GPATCH2L: variants seen among roughly 807,000 people sequenced by gnomAD.
GPATCH2L encodes G patch domain-containing protein 2-like.
In GPATCH2L, 31 loss-of-function variants were observed where a neutral mutation model predicts 57.4. The observed-to-expected ratio is 0.54, with a 90% CI of 0.41 to 0.73. GPATCH2L has a LOEUF of 0.73. Among genes scored for constraint, GPATCH2L ranks in the 30% least tolerant of loss-of-function variants. GPATCH2L has a pLI of 0.00. For synonymous variants in GPATCH2L, 199 were observed against 210.7 expected (o/e 0.94, Z 0.48); for missense variants, 481 against 599.9 (o/e 0.80, Z 2.07).
In GPATCH2L at chr14:76,202,536, TACAC is replaced by T. The variant is rs34957782; in HGVS notation, c.*709_*712del. ...GTTCTACTGAAAGAGGACGTGTGTA[TACAC>T]ACACACACACACACACACACACAGA... On this transcript the variant is annotated 3_prime_UTR_variant, in exon 10 of 10. Transcript: ENST00000261530. 692 of 134,042 alleles carry T rather than the reference TACAC, an allele frequency of 5.2e-3. No individual in the cohort carries two copies. The highest frequency in any genetic ancestry group is 0.02 in the Middle Eastern group (5 of 252). 8.3% of individuals were successfully genotyped at this position (134,042 alleles called of 1,614,324 possible).
chr14:76,222,954 CA>C (rs36032954), intron 1 of GPATCH2L, among the ~76,000 whole-genome samples: 55,461 of 113,426 alleles, frequency 0.49, 12,720 homozygotes, highest in South Asian at 0.65. Flanking sequence ...AGACTGTGTT[CA>C]AAAAAAAAAA....
At chr14:76,170,578 GT>G (rs1231420422) in intron 3 of GPATCH2L, 1 of 152,034 alleles carries the variant, frequency 6.6e-6, no homozygotes, top group African/African-American at 2.4e-5. Context: ...TGTTGCTGTG[GT>G]TATTTTTTTT....
In GPATCH2L at chr14:76,213,696, A is replaced by T. The variant is rs186634624; in HGVS notation, c.*11845A>T. 46 of 152,102 alleles carry T rather than the reference A, an allele frequency of 3.0e-4. No individual in the cohort carries two copies. Among genetic ancestry groups the T allele is most frequent in the East Asian group, 1.4e-3 (7 of 5,170 alleles). The allele number at this position is 152,102 out of a possible 1,614,324, so 9.4% of individuals were successfully genotyped here. On this transcript the variant is annotated 3_prime_UTR_variant, in exon 10 of 10. Coordinates refer to ENST00000261530, the MANE Select transcript of GPATCH2L (RefSeq NM_017926.4). ...GGGCTCTTGATCCAAAACCTTTTTT[A>T]AAAAAAATAATTTTAGACTTAACAG...
At chr14:76,217,000 T>C (rs755471103), downstream of GPATCH2L, among the ~76,000 whole-genome samples, 5 of 152,160 alleles carry the variant, frequency 3.3e-5, no homozygotes, top group African/African-American at 4.8e-5. Flanking sequence ...TATATAGCTA[T>C]ACAGGAAAAA....
Position 76,221,778 on chromosome 14 carries a change from G to T in GPATCH2L, c.66-8030G>T, listed in dbSNP as rs145797816. ...CATCTATATGAACAGGCAAAATTAT[G>T]GGGACAGTAAAAAGATGAATTGTTG... On this transcript the variant is annotated intron_variant and NMD_transcript_variant, in intron 1 of 3. Coordinates refer to the GPATCH2L transcript ENST00000556372. Among the ~76,000 whole-genome samples, 113 of 152,292 alleles carry T rather than the reference G, an allele frequency of 7.4e-4. 2 individuals carry two copies. The highest frequency in any genetic ancestry group is 2.6e-3 in the African/African-American group (110 of 41,550).
chr14:76,198,513 C>G (rs539314493), intron 9 of GPATCH2L, among the ~76,000 whole-genome samples: 27 of 152,298 alleles, frequency 1.8e-4, no homozygotes, highest in African/African-American at 6.5e-4. Context: ...AAAAAGTAAA[C>G]ACATGCCTTT....
In GPATCH2L at chr14:76,221,974, T is replaced by G. The variant is rs532868152; in HGVS notation, c.66-7834T>G. ...AACATTAGTGTATCAACTATGGACTTTGGATGATAAAGATGTGTAACTGTT... is the reference window on the plus strand; with the variant it reads ...AACATTAGTGTATCAACTATGGACTGTGGATGATAAAGATGTGTAACTGTT... On this transcript the variant is annotated intron_variant and NMD_transcript_variant, in intron 1 of 3. Coordinates refer to the GPATCH2L transcript ENST00000556372. Among the ~76,000 whole-genome samples the G allele has an allele frequency of 2.6e-5, 4 of 152,286 alleles. No homozygotes were observed. In the East Asian group the frequency reaches 7.7e-4, roughly 29 times the overall value.
At chr14:76,216,351 A>G (rs763042803), downstream of GPATCH2L, among the ~76,000 whole-genome samples, 2 of 152,326 alleles carry the variant, frequency 1.3e-5, no homozygotes, top group East Asian at 1.9e-4. Flanking sequence ...TTTAATTTAC[A>G]GTAGACCCAA....
At chr14:76,158,357 A>G (rs8020004) in intron 2 of GPATCH2L, among the ~76,000 whole-genome samples, 85,433 of 152,094 alleles carry the variant, frequency 0.56, 26,345 homozygotes, top group South Asian at 0.77. Flanking sequence ...TAGAAAATCA[A>G]TATCCCTTCT....
chr14:76,161,471 A>G (rs2038580474), intron 2 of GPATCH2L, among the ~76,000 whole-genome samples: 1 of 152,164 alleles, frequency 6.6e-6, no homozygotes, highest in Non-Finnish European at 1.5e-5. Flanking sequence ...GTACCTCCTT[A>G]TTATAATTGG....
At chr14:76,221,911 A>G (rs574011579) in intron 1 of GPATCH2L, among the ~76,000 whole-genome samples, 1 of 152,224 alleles carries the variant, frequency 6.6e-6, no homozygotes, top group Non-Finnish European at 1.5e-5. Flanking sequence ...GCCATTATAC[A>G]TTTATCAAAA....
intron 2 of GPATCH2L, among the ~76,000 whole-genome samples, chr14:76,162,702 A>T (rs546323808): frequency 1.7e-4 from 26 of 152,308 alleles, no homozygotes; most frequent in Admixed American, 4.6e-4. Context: ...TCAAAGGAAG[A>T]TCATTCAGGA....
rs546634724 is a variant in GPATCH2L at position 76,190,221 on chromosome 14, G to T, written c.1194-5657G>T. 1.3e-4 allele frequency among the ~76,000 whole-genome samples: 20 copies of T among 151,950 alleles called. No individual in the cohort carries two copies. In the East Asian group the frequency reaches 3.9e-3, roughly 29 times the overall value. On this transcript the variant is annotated intron_variant, in intron 8 of 9. Transcript: ENST00000261530. The stretch of plus-strand genomic sequence containing the variant: ...AACTCACCTGATCTTTCAGTTACCT[G>T]CAGTAAAAAAGAAAATAGAAATGTT...
chr14:76,159,621 A>T (rs1192931743), intron 2 of GPATCH2L, among the ~76,000 whole-genome samples: 1 of 152,118 alleles, frequency 6.6e-6, no homozygotes, highest in Non-Finnish European at 1.5e-5. Flanking sequence ...AGTGTGCCGT[A>T]AATGAAGGTG....
intron 8 of GPATCH2L, among the ~76,000 whole-genome samples, chr14:76,186,951 A>G (rs2039788198): frequency 6.6e-6 from 1 of 152,128 alleles, no homozygotes; most frequent in African/African-American, 2.4e-5. Context: ...ATTTAAGTGA[A>G]AATCATTAGT....
chr14:76,203,701 A>T lies in GPATCH2L; in HGVS notation c.*1850A>T, dbSNP rs1234408419. On this transcript the variant is annotated 3_prime_UTR_variant, in exon 10 of 10. Coordinates refer to ENST00000261530, the MANE Select transcript of GPATCH2L (RefSeq NM_017926.4). ...CCCTGTGGGCTGCACCCGTAGAAGT[A>T]TAGAAAATGTAATGTCTGTTGAATA... 6.6e-6 allele frequency: 1 copy of T among 152,268 alleles called. No homozygotes were observed. Among genetic ancestry groups the T allele is most frequent in the African/African-American group, 2.4e-5 (1 of 41,472 alleles). The allele number at this position is 152,268 out of a possible 1,614,324, so 9.4% of individuals were successfully genotyped here. A position where few individuals can be genotyped will look rare whatever the true frequency, so the allele number is the denominator to read the frequency against.
chr14:76,226,802 C>A (rs1312390278), intron 1 of GPATCH2L, among the ~76,000 whole-genome samples: 1 of 152,152 alleles, frequency 6.6e-6, no homozygotes, highest in Non-Finnish European at 1.5e-5. Context: ...TCTTTGTAAA[C>A]GACCCAGTCT....
At chr14:76,229,207 A>C (rs1265444970) in intron 1 of GPATCH2L, among the ~76,000 whole-genome samples, 4 of 152,238 alleles carry the variant, frequency 2.6e-5, no homozygotes, top group Non-Finnish European at 5.9e-5. Context: ...GAGTGGCGTG[A>C]GTGAACTTTA....
At chr14:76,227,897 C>T (rs1317427363) in intron 1 of GPATCH2L, among the ~76,000 whole-genome samples, 1 of 152,158 alleles carries the variant, frequency 6.6e-6, no homozygotes, top group Non-Finnish European at 1.5e-5. Flanking sequence ...CTGGTCCAGC[C>T]TCTCCCAGGC....
Sources: allele counts gnomAD v4.1 joint callset (sites outside exome capture counted in the v4.1 genomes callset), GRCh38; gene constraint gnomAD v4.1.1; transcripts MANE v1.5; gene names NCBI Gene and HGNC (gene_info 2026-07-23, HGNC 2026-07-21).